UMAD1: variants seen among roughly 807,000 people sequenced by gnomAD.
UMAD1 encodes UBAP1-MVB12-associated (UMA) domain containing 1.
A neutral mutation model predicts 6.1 loss-of-function variants in UMAD1; 8 were observed. That is an observed-to-expected ratio of 1.30 (90% CI 0.76 to 2.35). The LOEUF (loss-of-function observed/expected upper bound fraction) is 2.35. Among genes scored for constraint, UMAD1 ranks in the 30% most tolerant of loss-of-function variants. The pLI, the probability that UMAD1 is intolerant of heterozygous loss-of-function variation, is 0.00. For synonymous variants in UMAD1, 56 were observed against 31.4 expected (o/e 1.78, Z -2.61); for missense variants, 130 against 78.4 (o/e 1.66, Z -2.49).
chr7:7,842,038 C>T (rs1376041382), intron 3 of UMAD1, among the ~76,000 whole-genome samples: 1 of 152,216 alleles, frequency 6.6e-6, no homozygotes, highest in East Asian at 1.9e-4. Context: ...AATGTAATTT[C>T]TGTACAGTGT....
intron 2 of UMAD1, chr7:7,735,685 CAGGCGTCA>C (rs1229219487): frequency 1.3e-5 from 2 of 152,288 alleles, no homozygotes; most frequent in African/African-American, 4.8e-5. Context: ...GGTGGGATTA[CAGGCGTCA>C]GCCACCACGC....
At chr7:7,739,676 C>G (rs868466337) in intron 2 of UMAD1, among the ~76,000 whole-genome samples, 1 of 152,162 alleles carries the variant, frequency 6.6e-6, no homozygotes, top group African/African-American at 2.4e-5. Context: ...TCAAAAAGCA[C>G]TTAATATTTC....
At chr7:7,742,645 T>G (rs1781495234) in intron 2 of UMAD1, 4 of 327,530 alleles carry the variant, frequency 1.2e-5, no homozygotes, top group Non-Finnish European at 2.4e-5. Flanking sequence ...ACCATAATTT[T>G]CAAGTGATTC....
Position 7,643,142 on chromosome 7 carries a change from C to CA in UMAD1, c.-64+2322dup, listed in dbSNP as rs1785013463. Among the ~76,000 whole-genome samples, 3 of 152,202 alleles carry CA rather than the reference C, an allele frequency of 2.0e-5. No homozygotes were observed. The South Asian group carries it at 6.2e-4, about 32-fold the overall frequency. The stretch of plus-strand genomic sequence containing the variant: ...TCTAAAAATGATAATTCTGCAGCGC[C>CA]AGGGAGAGGCCATTTCCTGATGGTC... On this transcript the variant is annotated intron_variant, in intron 1 of 3. Transcript: ENST00000682710.
chr7:7,709,323 T>C (rs1416969921), intron 2 of UMAD1, among the ~76,000 whole-genome samples: 1 of 152,214 alleles, frequency 6.6e-6, no homozygotes, highest in Non-Finnish European at 1.5e-5. Context: ...ACTTGTTCAA[T>C]TGTGGGTCGT....
intron 3 of UMAD1, among the ~76,000 whole-genome samples, chr7:7,860,604 C>CAAAAAAAAA (rs373823869): frequency 2.4e-3 from 225 of 93,196 alleles, no homozygotes; most frequent in Middle Eastern, 6.9e-3. Context: ...ACTAAAAATA[C>CAAAAAAAAA]AAAAAAAAAA....
chr7:7,741,587 T>A (rs1176585792), intron 2 of UMAD1, among the ~76,000 whole-genome samples: 65 of 90,090 alleles, frequency 7.2e-4, no homozygotes, highest in Middle Eastern at 5.6e-3. Flanking sequence ...AAAATAATAA[T>A]AATAATAATA....
intron 1 of UMAD1, among the ~76,000 whole-genome samples, chr7:7,658,116 A>G (rs1055837749): frequency 1.6e-4 from 24 of 152,090 alleles, no homozygotes; most frequent in African/African-American, 5.3e-4. Flanking sequence ...CTGTTTGTCT[A>G]TTATTGGTGT....
intron 3 of UMAD1, among the ~76,000 whole-genome samples, chr7:7,855,018 T>C (rs1257818849): frequency 2.0e-5 from 3 of 152,210 alleles, no homozygotes; most frequent in African/African-American, 7.2e-5. Flanking sequence ...TCCAAAATAC[T>C]CTGCTTTGAC....
chr7:7,642,373 C>G (rs916419873), intron 1 of UMAD1, among the ~76,000 whole-genome samples: 2 of 151,752 alleles, frequency 1.3e-5, no homozygotes, highest in Admixed American at 6.6e-5. Context: ...AGGCTTATCT[C>G]AAACTCCTGG....
At chr7:7,852,033 T>C (rs543695897) in intron 3 of UMAD1, among the ~76,000 whole-genome samples, 1 of 152,286 alleles carries the variant, frequency 6.6e-6, no homozygotes, top group East Asian at 1.9e-4. Flanking sequence ...TGATCAACTT[T>C]GAGTTAATTT....
rs116337172 is a variant in UMAD1 at position 7,729,088 on chromosome 7, G to A, written c.82+55635G>A. Among the ~76,000 whole-genome samples, 974 of 152,316 alleles carry A rather than the reference G, an allele frequency of 6.4e-3. 18 individuals are homozygous for A. Among genetic ancestry groups the A allele is most frequent in the African/African-American group, 0.023 (940 of 41,556 alleles). On this transcript the variant is annotated intron_variant, in intron 2 of 3. Transcript: ENST00000682710. ...ATGTATTTGTGTCGGAAATGGAAACGTGAATGAGTTAACTGGATGGAGAAG... is the reference window on the plus strand; with the variant it reads ...ATGTATTTGTGTCGGAAATGGAAACATGAATGAGTTAACTGGATGGAGAAG...
chr7:7,696,101 G>A (rs915895148), intron 2 of UMAD1, among the ~76,000 whole-genome samples: 1 of 151,148 alleles, frequency 6.6e-6, no homozygotes, highest in Non-Finnish European at 1.5e-5. Context: ...TACCTCCTGG[G>A]TTCAAGCGAT....
chr7:7,877,660 A>G lies in UMAD1; in HGVS notation c.*122A>G. The G allele has an allele frequency of 1.6e-6, 1 of 615,010 alleles. No homozygotes were observed. The highest frequency in any genetic ancestry group is 1.9e-5 in the South Asian group (1 of 51,852). The allele number at this position is 615,010 out of a possible 1,614,324, so 38.1% of individuals were successfully genotyped here. A position where few individuals can be genotyped will look rare whatever the true frequency, so the allele number is the denominator to read the frequency against. Reference sequence around the variant, plus strand: ...TCAGCAAGGATCATAAAGCAAAGAAAATAGCATTATGTTCACTACTCTATT... The same window carrying G: ...TCAGCAAGGATCATAAAGCAAAGAAGATAGCATTATGTTCACTACTCTATT... On this transcript the variant is annotated 3_prime_UTR_variant, in exon 4 of 4. Transcript: ENST00000682710.
At chr7:7,653,191 A>G (rs961842907) in intron 1 of UMAD1, among the ~76,000 whole-genome samples, 1 of 152,208 alleles carries the variant, frequency 6.6e-6, no homozygotes, top group African/African-American at 2.4e-5. Flanking sequence ...TGCTTCAGAA[A>G]TTCTTCTTGT....
At chr7:7,772,703 C>T (rs1245953589) in intron 2 of UMAD1, among the ~76,000 whole-genome samples, 2 of 152,200 alleles carry the variant, frequency 1.3e-5, no homozygotes, top group Non-Finnish European at 2.9e-5. Flanking sequence ...GTAGAGGTGC[C>T]TGCCTCGTGA....
At chr7:7,700,471 A>G (rs765999799) in intron 2 of UMAD1, among the ~76,000 whole-genome samples, 1 of 152,180 alleles carries the variant, frequency 6.6e-6, no homozygotes, top group Admixed American at 6.5e-5. Context: ...CATGCCTGTA[A>G]TCCCAGTTTG....
chr7:7,694,563 C>T (rs151239711), intron 2 of UMAD1, among the ~76,000 whole-genome samples: 2 of 152,064 alleles, frequency 1.3e-5, no homozygotes, highest in East Asian at 3.9e-4. Flanking sequence ...CTCTGGTAAC[C>T]ATCATTCTAC....
chr7:7,811,563 C>T (rs142935094), intron 3 of UMAD1, among the ~76,000 whole-genome samples: 5 of 152,216 alleles, frequency 3.3e-5, no homozygotes, highest in African/African-American at 9.6e-5. Flanking sequence ...TCCATGAAGT[C>T]GATGAATTAG....
Sources: gnomAD v4.1 joint callset for allele counts (sites outside exome capture counted in the v4.1 genomes callset) on GRCh38, gnomAD v4.1.1 for gene constraint, MANE v1.5 for transcripts, NCBI Gene and HGNC (gene_info 2026-07-23, HGNC 2026-07-21) for gene names.